The following RBFOX1 variants were observed in gnomAD, a reference collection of about 807,000 sequenced individuals.
RBFOX1 encodes the protein RNA binding protein fox-1 homolog 1.
A neutral mutation model predicts 57.7 loss-of-function variants in RBFOX1; 8 were observed. That is an observed-to-expected ratio of 0.14 (90% confidence interval 0.08 to 0.25). The LOEUF (loss-of-function observed/expected upper bound fraction) is 0.25. Ranked by LOEUF, RBFOX1 falls within the 10% of genes least tolerant of loss-of-function variation. The pLI is 1.00. For synonymous variants in RBFOX1, 326 were observed against 222.4 expected (o/e 1.47, Z -4.15); for missense variants, 611 against 548.5 (o/e 1.11, Z -1.14).
rs2088521765 is a variant in RBFOX1, at chr16:6,361,517, T to G, written c.-64+44460T>G. Among the ~76,000 whole-genome samples the G allele has an allele frequency of 2.0e-5, 3 of 151,560 alleles. No homozygotes were observed. The South Asian group carries it at 6.3e-4, about 32-fold the overall frequency. ...GTGGCTAATGCCTGTAGTTGCAGCT[T>G]CTCGGGAGGCTGAGGCAGAAGAATC... On this transcript the variant is annotated intron_variant, in intron 2 of 15. Transcript: ENST00000550418.
intron 3 of RBFOX1, among the ~76,000 whole-genome samples, chr16:6,718,851 C>A (rs932591994): frequency 6.6e-6 from 1 of 151,420 alleles, no homozygotes; most frequent in South Asian, 2.1e-4. Context: ...TTTTTCTTAT[C>A]TTTTTTTTTG....
intron 1 of RBFOX1, among the ~76,000 whole-genome samples, chr16:5,340,037 A>G (rs1197562514): frequency 6.6e-6 from 1 of 152,204 alleles, no homozygotes; most frequent in Non-Finnish European, 1.5e-5. Context: ...AGCACCAGCA[A>G]AATCAGTATG....
At chr16:5,830,942 C>T (rs1597414262) in intron 3 of RBFOX1, among the ~76,000 whole-genome samples, 1 of 148,844 alleles carries the variant, frequency 6.7e-6, no homozygotes, top group Middle Eastern at 3.5e-3. Context: ...TTAACTCAGA[C>T]TGTCTCACCT....
At chr16:5,374,955 GT>G (rs1027467591) in intron 1 of RBFOX1, among the ~76,000 whole-genome samples, 9 of 151,836 alleles carry the variant, frequency 5.9e-5, no homozygotes, top group African/African-American at 2.2e-4. Flanking sequence ...TAAAGAAAAT[GT>G]TTATAAATTC....
chr16:6,429,659 C>T lies in RBFOX1; in HGVS notation c.-64+112602C>T, dbSNP rs556144528. On this transcript the variant is annotated intron_variant, in intron 2 of 15. Coordinates refer to ENST00000550418, the MANE Select transcript of RBFOX1 (RefSeq NM_018723.4). The stretch of plus-strand genomic sequence containing the variant: ...ATAATTGAATCATGGGGGCAGTTTC[C>T]GCCCTACTCTTCTCATGGGAGTGAA... Among the ~76,000 whole-genome samples the T allele has an allele frequency of 2.8e-4, 42 of 152,270 alleles. No homozygotes were observed. In the South Asian group the frequency reaches 5.0e-3, roughly 18 times the overall value.
At chr16:6,448,097 G>C (rs546126691) in intron 2 of RBFOX1, among the ~76,000 whole-genome samples, 7 of 140,190 alleles carry the variant, frequency 5.0e-5, no homozygotes, top group Non-Finnish European at 9.4e-5. Flanking sequence ...TTGTTCGTTT[G>C]GTTTTTTTAT....
chr16:7,081,825 G>A (rs1444012190), intron 4 of RBFOX1, among the ~76,000 whole-genome samples: 1 of 152,176 alleles, frequency 6.6e-6, no homozygotes, highest in African/African-American at 2.4e-5. Flanking sequence ...TCTTATTGAT[G>A]AACTAATATG....
chr16:5,582,425 G>T (rs4786043), intron 2 of RBFOX1, among the ~76,000 whole-genome samples: 1 of 151,932 alleles, frequency 6.6e-6, no homozygotes, highest in Non-Finnish European at 1.5e-5. Flanking sequence ...GTGGAACTGA[G>T]GTGCAAGTAC....
chr16:7,666,958 A>C (rs934134031), intron 13 of RBFOX1, among the ~76,000 whole-genome samples: 20 of 152,244 alleles, frequency 1.3e-4, no homozygotes, highest in Non-Finnish European at 2.2e-4. Flanking sequence ...GTTGTCTGAT[A>C]TGTTTGTTCA....
At chr16:6,092,562 T>G (rs1411734031) in intron 1 of RBFOX1, 1 of 152,252 alleles carries the variant, frequency 6.6e-6, no homozygotes, top group Non-Finnish European at 1.5e-5. Context: ...AGTTTATTTT[T>G]GTATATGGTG....
At chr16:6,420,546 G>A (rs115824609) in intron 2 of RBFOX1, among the ~76,000 whole-genome samples, 2,050 of 152,226 alleles carry the variant, frequency 0.013, 46 homozygotes, top group African/African-American at 0.045. Flanking sequence ...AAACCACATC[G>A]GGATAAAAGA....
rs865964328 is a variant in RBFOX1 at position 5,608,964 on chromosome 16, C to G, written c.318+10003C>G. 2.0e-5 allele frequency among the ~76,000 whole-genome samples: 3 copies of G among 152,322 alleles called. No homozygotes were observed. The East Asian group carries it at 5.8e-4, about 29-fold the overall frequency. On this transcript the variant is annotated intron_variant, in intron 3 of 19. Transcript: ENST00000641259. ...AAATGGTCAGACTCCTTTCTTCCCCCCATATCCATTTCGCCAATCCATGCC... is the reference window on the plus strand; with the variant it reads ...AAATGGTCAGACTCCTTTCTTCCCCGCATATCCATTTCGCCAATCCATGCC...
intron 3 of RBFOX1, among the ~76,000 whole-genome samples, chr16:5,862,855 T>A (rs1429581883): frequency 1.3e-5 from 2 of 152,066 alleles, no homozygotes; most frequent in African/African-American, 4.8e-5. Context: ...CACATACTGG[T>A]TTGCAGCATC....
chr16:7,667,004 C>T lies in RBFOX1; in HGVS notation c.930+2036C>T, dbSNP rs374345802. ...CTTTCTCTGACTTTTCAGGCCACGA[C>T]CCCCAGCCAGAAATTATCGTTTTCC... On this transcript the variant is annotated intron_variant, in intron 13 of 15. Transcript: ENST00000550418. Among the ~76,000 whole-genome samples, 160 of 152,282 alleles carry T rather than the reference C, an allele frequency of 1.1e-3. 2 individuals are homozygous for T. Among genetic ancestry groups the T allele is most frequent in the Non-Finnish European group, 6.2e-4 (42 of 68,024 alleles).
At chr16:7,077,549 C>G (rs1368913084) in intron 4 of RBFOX1, among the ~76,000 whole-genome samples, 1 of 152,160 alleles carries the variant, frequency 6.6e-6, no homozygotes, top group Non-Finnish European at 1.5e-5. Flanking sequence ...TGCAGCCTGT[C>G]ATCATATTAG....
rs116729147 is a variant in RBFOX1 at position 6,608,693 on chromosome 16, G to C, written c.-63-45910G>C. Among the ~76,000 whole-genome samples the C allele has an allele frequency of 3.5e-3, 534 of 152,268 alleles. 3 individuals carry two copies. Among genetic ancestry groups the C allele is most frequent in the African/African-American group, 0.012 (505 of 41,552 alleles). ...AGGGTGAGGTAGAAGGATGACTTGG[G>C]TCCAGGAGTTTGACGCTACAGTGAG... On this transcript the variant is annotated intron_variant, in intron 2 of 15. Coordinates refer to ENST00000550418, the MANE Select transcript of RBFOX1 (RefSeq NM_018723.4).
chr16:6,818,622 C>A, intron 3 of RBFOX1, among the ~76,000 whole-genome samples: 1 of 152,170 alleles, frequency 6.6e-6, no homozygotes, highest in Non-Finnish European at 1.5e-5. Context: ...TATCACTCAG[C>A]ACCTGTGATG....
chr16:5,463,551 G>T (rs28715310), intron 1 of RBFOX1, among the ~76,000 whole-genome samples: 14,838 of 152,158 alleles, frequency 0.098, 766 homozygotes, highest in Admixed American at 0.13. Context: ...TGTAATTCCA[G>T]CATTTTGGGA....
At chr16:5,541,629 T>C (rs954446465) in intron 2 of RBFOX1, among the ~76,000 whole-genome samples, 2 of 152,174 alleles carry the variant, frequency 1.3e-5, no homozygotes, top group African/African-American at 4.8e-5. Context: ...TTGAATAGAA[T>C]GGGAGGCAGG....
Sources: allele counts gnomAD v4.1 joint callset (sites outside exome capture counted in the v4.1 genomes callset), GRCh38; gene constraint gnomAD v4.1.1; transcripts MANE v1.5; gene names NCBI Gene and HGNC (gene_info 2026-07-23, HGNC 2026-07-21).